Variants in TSHZ3 observed in about 807,000 individuals in gnomAD.
TSHZ3 encodes teashirt zinc finger homeobox 3.
TSHZ3 carries 10 observed loss-of-function variants against 64.5 expected under a neutral mutation model. The observed-to-expected ratio is 0.16, with a 90% confidence interval of 0.10 to 0.26. The LOEUF (loss-of-function observed/expected upper bound fraction) is 0.26. Among genes scored for constraint, TSHZ3 ranks in the 10% least tolerant of loss-of-function variants. The probability of loss-of-function intolerance (pLI) is 1.00; values close to 1 mark genes in which losing one functional copy is unlikely to be tolerated. For missense variants in TSHZ3, 1,242 were observed against 1,421.7 expected (o/e 0.87, Z 2.03); for synonymous variants, 608 against 593.1 (o/e 1.03, Z -0.36).
intron 1 of TSHZ3, among the ~76,000 whole-genome samples, chr19:31,297,450 A>G (rs1976683631): frequency 6.6e-6 from 1 of 152,200 alleles, no homozygotes; most frequent in African/African-American, 2.4e-5. Context: ...TAAGAACTGC[A>G]GAAAGTTCTA....
intron 1 of TSHZ3, among the ~76,000 whole-genome samples, chr19:31,260,922 C>T (rs999341026): frequency 6.6e-6 from 1 of 152,198 alleles, no homozygotes; most frequent in African/African-American, 2.4e-5. Context: ...CCCAAGTTTT[C>T]TCAGCACCTT....
rs1043465593 is a variant in TSHZ3 at position 31,189,221 on chromosome 19, T to G, written n.809+15735A>C. Among the ~76,000 whole-genome samples the G allele has an allele frequency of 2.0e-5, 3 of 152,084 alleles. No homozygotes were observed. The East Asian group carries it at 5.8e-4, about 29-fold the overall frequency. ...TCTTAATCTTTTAAAGCAAACAACT[T>G]CTTGTTTTATTTATTATCTTCAATG... On this transcript the variant is annotated intron_variant and non_coding_transcript_variant, in intron 5 of 6. Transcript: ENST00000651361.
chr19:31,219,271 G>A (rs918057147), intron 4 of TSHZ3, among the ~76,000 whole-genome samples: 2 of 152,144 alleles, frequency 1.3e-5, no homozygotes, highest in African/African-American at 2.4e-5. Flanking sequence ...AAATGATTCC[G>A]TGTCTTGACC....
At chr19:31,252,807 G>T (rs1042294705) in intron 1 of TSHZ3, among the ~76,000 whole-genome samples, 4 of 152,178 alleles carry the variant, frequency 2.6e-5, no homozygotes, top group Non-Finnish European at 5.9e-5. Flanking sequence ...CATTGGCAAA[G>T]ACCCTTTTTC....
intron 5 of TSHZ3, among the ~76,000 whole-genome samples, chr19:31,159,695 T>G (rs775708313): frequency 3.9e-5 from 6 of 152,100 alleles, no homozygotes; most frequent in Admixed American, 6.5e-5. Context: ...GACTTTTATT[T>G]TTTTTCTTTT....
At chr19:31,270,507 C>T (rs1449763672), downstream of TSHZ3, among the ~76,000 whole-genome samples, 1 of 152,220 alleles carries the variant, frequency 6.6e-6, no homozygotes, top group Non-Finnish European at 1.5e-5. Context: ...GACAGGGTCT[C>T]ACTATGTGGC....
intron 1 of TSHZ3, among the ~76,000 whole-genome samples, chr19:31,283,212 C>T (rs1355229576): frequency 6.6e-6 from 1 of 152,110 alleles, no homozygotes; most frequent in African/African-American, 2.4e-5. Context: ...CACATGCCTG[C>T]AGTCCCAGTT....
intron 5 of TSHZ3, among the ~76,000 whole-genome samples, chr19:31,203,534 C>T (rs1350461396): frequency 6.6e-6 from 1 of 152,138 alleles, no homozygotes; most frequent in Non-Finnish European, 1.5e-5. Context: ...AGTTCTTATG[C>T]TAGGAGCTGT....
At chr19:31,203,284 G>A (rs943070087) in intron 5 of TSHZ3, among the ~76,000 whole-genome samples, 1 of 152,180 alleles carries the variant, frequency 6.6e-6, no homozygotes, top group Non-Finnish European at 1.5e-5. Context: ...AAGGAGGTCG[G>A]TGTGTCCAAA....
chr19:31,170,495 C>T (rs1378321255), intron 5 of TSHZ3, among the ~76,000 whole-genome samples: 1 of 152,154 alleles, frequency 6.6e-6, no homozygotes, highest in Non-Finnish European at 1.5e-5. Flanking sequence ...AAATGTGACT[C>T]TTACCTTCAC....
chr19:31,167,788 C>T (rs1974476238), intron 5 of TSHZ3: 1 of 152,182 alleles, frequency 6.6e-6, no homozygotes, highest in East Asian at 1.9e-4. Context: ...TAAATAGCAA[C>T]TTAATTTATG....
chr19:31,223,298 G>T (rs944145176), intron 4 of TSHZ3, among the ~76,000 whole-genome samples: 1 of 151,920 alleles, frequency 6.6e-6, no homozygotes, highest in Non-Finnish European at 1.5e-5. Flanking sequence ...GTATTTGTGG[G>T]GCCTCATGTG....
At chr19:31,214,443 G>A (rs981950443) in intron 4 of TSHZ3, among the ~76,000 whole-genome samples, 4 of 152,216 alleles carry the variant, frequency 2.6e-5, no homozygotes, top group Non-Finnish European at 5.9e-5. Context: ...GAGCTGAGTG[G>A]AGACAACAGC....
At chr19:31,348,582 C>T (rs969154744) in intron 1 of TSHZ3, among the ~76,000 whole-genome samples, 1 of 151,880 alleles carries the variant, frequency 6.6e-6, no homozygotes, top group Non-Finnish European at 1.5e-5. Flanking sequence ...GGCGAGGAAA[C>T]ACAAACAGGG....
At chr19:31,203,875 C>T (rs1975123592) in intron 5 of TSHZ3, among the ~76,000 whole-genome samples, 1 of 151,842 alleles carries the variant, frequency 6.6e-6, no homozygotes, top group Non-Finnish European at 1.5e-5. Context: ...AGCCTGTTTT[C>T]ACACTGCTAC....
Position 31,319,596 on chromosome 19 carries a change from G to A in TSHZ3, c.40+29584C>T, listed in dbSNP as rs1916706959. On this transcript the variant is annotated intron_variant, in intron 1 of 1. Transcript: ENST00000240587. ...ATGTCTCTGCAGGACTGAGAGGCAGGCCCTGAGGAAACCCGGGCTCACCCA... is the reference window on the plus strand; with the variant it reads ...ATGTCTCTGCAGGACTGAGAGGCAGACCCTGAGGAAACCCGGGCTCACCCA... Among the ~76,000 whole-genome samples, 5 of 152,214 alleles carry A rather than the reference G, an allele frequency of 3.3e-5. No homozygotes were observed. In the South Asian group the frequency reaches 1.0e-3, roughly 32 times the overall value.
chr19:31,279,520 G>A lies in TSHZ3; in HGVS notation c.273C>T (p.Gly91=). The part of the protein sequence containing the change: ...TSDRMADFES[G]SIKNEEETKE... Reference sequence around the variant, plus strand: ...TGGTCTCCTCTTCGTTCTTGATGGAGCCGCTTTCAAAGTCAGCCATTCGGT... The same window carrying A: ...TGGTCTCCTCTTCGTTCTTGATGGAACCGCTTTCAAAGTCAGCCATTCGGT... Residue 91 remains glycine (G), a synonymous_variant, in exon 2 of 2, where the codon GGC becomes GGT. Transcript: ENST00000240587. This position sits in a 1 kb window ranked among gnomAD's most constrained non-coding sequence, Gnocchi z 6.4. 6.2e-7 allele frequency: 1 copy of A among 1,612,350 alleles called. No individual in the cohort carries two copies. The highest frequency in any genetic ancestry group is 8.5e-7 in the Non-Finnish European group (1 of 1,178,602).
At chr19:31,339,167 T>C (rs891076290) in intron 1 of TSHZ3, among the ~76,000 whole-genome samples, 6 of 151,876 alleles carry the variant, frequency 4.0e-5, no homozygotes, top group East Asian at 3.9e-4. Flanking sequence ...GTGGCTTGAA[T>C]GATACCTGTC....
chr19:31,252,722 T>C (rs2145192657), intron 1 of TSHZ3, among the ~76,000 whole-genome samples: 1 of 152,272 alleles, frequency 6.6e-6, no homozygotes, highest in Admixed American at 6.5e-5. Context: ...CGGAACTGAG[T>C]CCATTAAACC....
Sources: gnomAD v4.1 joint callset for allele counts (sites outside exome capture counted in the v4.1 genomes callset) on GRCh38, gnomAD v4.1.1 for gene constraint, Gnocchi (gnomAD v3.1) non-coding constraint, MANE v1.5 for transcripts, NCBI Gene and HGNC (gene_info 2026-07-23, HGNC 2026-07-21) for gene names.